The following MIPOL1 variants were observed in gnomAD, a reference collection of about 807,000 sequenced individuals.
MIPOL1 encodes mirror-image polydactyly gene 1 protein.
A neutral mutation model predicts 60.9 loss-of-function variants in MIPOL1; 57 were observed. The observed-to-expected ratio is 0.94, with a 90% confidence interval of 0.76 to 1.17. The LOEUF is 1.17. Among genes scored for constraint, MIPOL1 ranks in the 50% most tolerant of loss-of-function variants. MIPOL1 has a pLI of 0.00. For missense variants in MIPOL1, 551 were observed against 511.6 expected (o/e 1.08, Z -0.74); for synonymous variants, 179 against 168.8 (o/e 1.06, Z -0.47).
At chr14:37,512,655 C>A (rs1200521072) in intron 12 of MIPOL1, among the ~76,000 whole-genome samples, 1 of 151,710 alleles carries the variant, frequency 6.6e-6, no homozygotes, top group African/African-American at 2.4e-5. Flanking sequence ...TATTCTAGTT[C>A]TTGTCAACTT....
intron 1 of MIPOL1, among the ~76,000 whole-genome samples, chr14:37,231,703 A>G (rs1035255096): frequency 6.6e-6 from 1 of 152,170 alleles, no homozygotes; most frequent in African/African-American, 2.4e-5. Context: ...CTCTAGGAAA[A>G]CTAAGATGAA....
chr14:37,509,586 G>A (rs2095309161), intron 12 of MIPOL1, among the ~76,000 whole-genome samples: 1 of 151,264 alleles, frequency 6.6e-6, no homozygotes, highest in African/African-American at 2.4e-5. Context: ...CTATATATAT[G>A]TACATATATA....
intron 1 of MIPOL1, among the ~76,000 whole-genome samples, chr14:37,239,705 A>G (rs1341213358): frequency 2.0e-5 from 3 of 152,132 alleles, no homozygotes; most frequent in African/African-American, 7.2e-5. Flanking sequence ...TTGGGATCAT[A>G]TTTTTACTAC....
intron 9 of MIPOL1, among the ~76,000 whole-genome samples, chr14:37,313,760 A>G (rs2087596338): frequency 6.6e-6 from 1 of 152,162 alleles, no homozygotes; most frequent in Non-Finnish European, 1.5e-5. Flanking sequence ...ACTGATGAGA[A>G]TGGAGCTTTG....
At chr14:37,401,642 CTT>C (rs1407196548) in intron 10 of MIPOL1, 1 of 151,950 alleles carries the variant, frequency 6.6e-6, no homozygotes, top group South Asian at 2.1e-4. Context: ...AAAACAAAGA[CTT>C]TTTTAAAACA....
intron 1 of MIPOL1, among the ~76,000 whole-genome samples, chr14:37,225,171 G>A (rs1279398444): frequency 6.6e-6 from 1 of 152,194 alleles, no homozygotes; most frequent in Non-Finnish European, 1.5e-5. Context: ...TTGAGTGTCT[G>A]CAGCTTTTCC....
chr14:37,464,242 A>G (rs1040831599), intron 11 of MIPOL1, among the ~76,000 whole-genome samples: 4 of 59,834 alleles, frequency 6.7e-5, no homozygotes, highest in Admixed American at 2.2e-4. Context: ...CAGCACAGCA[A>G]TTCCACTACT....
intron 3 of MIPOL1, among the ~76,000 whole-genome samples, chr14:37,252,825 G>A (rs1974324008): frequency 6.6e-6 from 1 of 151,844 alleles, no homozygotes; most frequent in Admixed American, 6.6e-5. Context: ...GCTTTTAAAT[G>A]TTGTTGATCA....
At chr14:37,388,210 C>G (rs1368305301) in intron 10 of MIPOL1, among the ~76,000 whole-genome samples, 1 of 151,198 alleles carries the variant, frequency 6.6e-6, no homozygotes, top group Non-Finnish European at 1.5e-5. Context: ...GGGGTTTTAA[C>G]AATTATTTGT....
At chr14:37,306,822 A>G (rs558227470) in intron 7 of MIPOL1, among the ~76,000 whole-genome samples, 1 of 151,908 alleles carries the variant, frequency 6.6e-6, no homozygotes, top group African/African-American at 2.4e-5. Flanking sequence ...AAAATTGTTC[A>G]TTTATTTTGA....
intron 9 of MIPOL1, among the ~76,000 whole-genome samples, chr14:37,342,997 T>C (rs1254503538): frequency 6.7e-6 from 1 of 149,844 alleles, no homozygotes; most frequent in Non-Finnish European, 1.5e-5. Flanking sequence ...AAAATATATA[T>C]TTATATATAT....
chr14:37,198,887 A>G (rs1437741481), intron 1 of MIPOL1, among the ~76,000 whole-genome samples: 1 of 152,216 alleles, frequency 6.6e-6, no homozygotes, highest in Admixed American at 6.5e-5. Flanking sequence ...TGGCGTTTCA[A>G]AGTTTTTCCT....
intron 11 of MIPOL1, among the ~76,000 whole-genome samples, chr14:37,472,881 G>C (rs79507298): frequency 0.021 from 3,223 of 152,160 alleles, 101 homozygotes; most frequent in African/African-American, 0.072. Context: ...ATGTTTTACA[G>C]ACCACTCACT....
chr14:37,488,344 G>C (rs1023687031), intron 11 of MIPOL1, among the ~76,000 whole-genome samples: 32 of 152,128 alleles, frequency 2.1e-4, no homozygotes, highest in Non-Finnish European at 4.6e-4. Context: ...AGGTCCGCTT[G>C]GTGCAGAGCT....
chr14:37,473,565 G>A (rs1332913167), intron 11 of MIPOL1, among the ~76,000 whole-genome samples: 1 of 152,046 alleles, frequency 6.6e-6, no homozygotes. Context: ...GTGGAGCAGG[G>A]AATTCAATTA....
intron 9 of MIPOL1, among the ~76,000 whole-genome samples, chr14:37,346,673 T>G (rs1296454446): frequency 6.6e-6 from 1 of 152,092 alleles, no homozygotes; most frequent in African/African-American, 2.4e-5. Flanking sequence ...AATAGTGATA[T>G]AAGAGCAGAT....
At chr14:37,349,765 A>C (rs1157745421) in intron 9 of MIPOL1, among the ~76,000 whole-genome samples, 1 of 151,772 alleles carries the variant, frequency 6.6e-6, no homozygotes, top group Non-Finnish European at 1.5e-5. Context: ...TATTTCGTTT[A>C]TTGTCTCTTT....
At chr14:37,477,638 A>C (rs2094797271) in intron 11 of MIPOL1, among the ~76,000 whole-genome samples, 1 of 152,224 alleles carries the variant, frequency 6.6e-6, no homozygotes, top group Non-Finnish European at 1.5e-5. Context: ...ATAAAATAAC[A>C]CACCTGACCT....
At chr14:37,241,026 G>A (rs1972275023) in intron 1 of MIPOL1, among the ~76,000 whole-genome samples, 1 of 151,910 alleles carries the variant, frequency 6.6e-6, no homozygotes, top group African/African-American at 2.4e-5. Flanking sequence ...CCCAAGATCT[G>A]CAGTCAGAAA....
Sources: gnomAD v4.1 joint callset for allele counts (sites outside exome capture counted in the v4.1 genomes callset) on GRCh38, gnomAD v4.1.1 for gene constraint, MANE v1.5 for transcripts, NCBI Gene and HGNC (gene_info 2026-07-23, HGNC 2026-07-21) for gene names.